KHDRBS2: variants seen among roughly 807,000 people sequenced by gnomAD.
KHDRBS2 encodes the protein KH RNA binding domain containing, signal transduction associated 2, also known as KH domain-containing, RNA-binding, signal transduction-associated protein 2.
Under a neutral mutation model 44.3 loss-of-function variants are expected in KHDRBS2, and 26 were observed. The ratio of observed to expected loss-of-function variants is 0.59; its 90% CI spans 0.43 to 0.81. KHDRBS2 has a LOEUF of 0.81. KHDRBS2 is among the 40% of genes least tolerant of loss of function. The probability of loss-of-function intolerance (pLI) is 0.00; values close to 1 mark genes in which losing one functional copy is unlikely to be tolerated. For synonymous variants in KHDRBS2, 194 were observed against 151.1 expected (o/e 1.28, Z -2.08); for missense variants, 476 against 433.1 (o/e 1.10, Z -0.88).
At chr6:61,602,523 A>G in the KHDRBS2 span, among the ~76,000 whole-genome samples, 19 of 152,200 alleles carry the variant, frequency 1.2e-4, 1 homozygote, top group South Asian at 3.9e-3. Flanking sequence ...ACTCTGGCCC[A>G]AGGCTCTCTG....
chr6:62,123,342 A>G (rs1053769464), intron 2 of KHDRBS2, among the ~76,000 whole-genome samples: 5 of 152,226 alleles, frequency 3.3e-5, no homozygotes, highest in African/African-American at 9.6e-5. Flanking sequence ...TATTGTGAAT[A>G]GTGCCGTAAT....
At chr6:62,188,190 G>A (rs1823838741) in intron 1 of KHDRBS2, among the ~76,000 whole-genome samples, 1 of 151,854 alleles carries the variant, frequency 6.6e-6, no homozygotes, top group Admixed American at 6.6e-5. Context: ...TTCAACACTG[G>A]GGATTCTATT....
intron 2 of KHDRBS2, among the ~76,000 whole-genome samples, chr6:62,066,775 C>T (rs1451957726): frequency 6.6e-6 from 1 of 151,556 alleles, no homozygotes; most frequent in African/African-American, 2.4e-5. Flanking sequence ...ATGTAATTTA[C>T]ATTCTAAATA....
At chr6:61,985,879 A>G (rs1189041421) in intron 3 of KHDRBS2, among the ~76,000 whole-genome samples, 1 of 152,186 alleles carries the variant, frequency 6.6e-6, no homozygotes, top group Admixed American at 6.5e-5. Context: ...CAAAATTAAA[A>G]ATAAATGACC....
chr6:61,738,753 T>A (rs1305184508), intron 6 of KHDRBS2, among the ~76,000 whole-genome samples: 2 of 151,984 alleles, frequency 1.3e-5, no homozygotes, highest in Admixed American at 6.6e-5. Context: ...ATATTCCTAC[T>A]AATTTCTCAA....
chr6:61,854,147 G>A lies in KHDRBS2; in HGVS notation c.810+40488C>T, dbSNP rs199705351. ...AGAATTCTGAAAATTTTGAAAAATC[G>A]TGTAGAATTCAAGTCCTGGAATTTT... On this transcript the variant is annotated intron_variant, in intron 6 of 8. Transcript: ENST00000281156. Among the ~76,000 whole-genome samples, 43 of 151,930 alleles carry A rather than the reference G, an allele frequency of 2.8e-4. 1 individual carries two copies. In the East Asian group the frequency reaches 7.6e-3, roughly 27 times the overall value.
chr6:62,102,193 AGT>A, intron 2 of KHDRBS2, among the ~76,000 whole-genome samples: 1 of 152,200 alleles, frequency 6.6e-6, no homozygotes, highest in Non-Finnish European at 1.5e-5. Context: ...ATAAACCCAA[AGT>A]TTTTAAATAT....
intron 3 of KHDRBS2, among the ~76,000 whole-genome samples, chr6:61,982,612 A>G (rs1774080414): frequency 6.6e-6 from 1 of 151,238 alleles, no homozygotes; most frequent in Non-Finnish European, 1.5e-5. Context: ...TGGAGCTTCC[A>G]GTGAGCCGAG....
chr6:61,833,336 C>T (rs1792134342), intron 6 of KHDRBS2, among the ~76,000 whole-genome samples: 1 of 152,182 alleles, frequency 6.6e-6, no homozygotes, highest in African/African-American at 2.4e-5. Flanking sequence ...CTTTTCAAAG[C>T]TCTTGCTGTT....
intron 1 of KHDRBS2, among the ~76,000 whole-genome samples, chr6:62,186,094 C>T (rs1017952644): frequency 1.3e-5 from 2 of 152,006 alleles, no homozygotes; most frequent in Non-Finnish European, 2.9e-5. Context: ...GTATCTGCCA[C>T]TTGTTAACTG....
intron 6 of KHDRBS2, among the ~76,000 whole-genome samples, chr6:61,861,002 T>C (rs1180350147): frequency 1.3e-5 from 2 of 152,022 alleles, no homozygotes; most frequent in African/African-American, 4.8e-5. Flanking sequence ...ATGTTTGTTG[T>C]CTGCATGTAT....
the KHDRBS2 span, among the ~76,000 whole-genome samples, chr6:61,644,966 T>TATA: frequency 1.3e-5 from 2 of 152,080 alleles, no homozygotes; most frequent in Non-Finnish European, 2.9e-5. Flanking sequence ...CATTACTGGG[T>TATA]ATATACTCAA....
intron 6 of KHDRBS2, among the ~76,000 whole-genome samples, chr6:61,788,003 C>G (rs372804577): frequency 3.3e-4 from 50 of 151,566 alleles, no homozygotes; most frequent in African/African-American, 1.1e-3. Context: ...AATGCATTAA[C>G]TAAGTACTAT....
chr6:61,782,925 G>A (rs1176711773), intron 6 of KHDRBS2, among the ~76,000 whole-genome samples: 2 of 151,402 alleles, frequency 1.3e-5, no homozygotes, highest in African/African-American at 4.8e-5. Flanking sequence ...AAACAGAGTG[G>A]GACACAAGAA....
intron 4 of KHDRBS2, among the ~76,000 whole-genome samples, chr6:61,937,678 T>G (rs904326904): frequency 1.1e-4 from 16 of 152,052 alleles, no homozygotes; most frequent in African/African-American, 3.9e-4. Context: ...CAGGCTGAAG[T>G]TTTTCATTAG....
downstream of KHDRBS2, among the ~76,000 whole-genome samples, chr6:61,675,873 T>C (rs1765903266): frequency 6.6e-6 from 1 of 151,800 alleles, no homozygotes; most frequent in Non-Finnish European, 1.5e-5. Context: ...GTTAGAGCAT[T>C]ATCTGAAAAT....
chr6:62,229,998 G>C (rs556499272), intron 1 of KHDRBS2, among the ~76,000 whole-genome samples: 3 of 152,124 alleles, frequency 2.0e-5, no homozygotes, highest in Admixed American at 1.3e-4. Flanking sequence ...GAAACATAAT[G>C]GTCCTTCTGA....
At chr6:61,543,910 C>A in the KHDRBS2 span, among the ~76,000 whole-genome samples, 1 of 151,900 alleles carries the variant, frequency 6.6e-6, no homozygotes, top group Non-Finnish European at 1.5e-5. Flanking sequence ...AACAATTGAA[C>A]TCATGGAGAC....
At chr6:61,671,952 C>G in the KHDRBS2 span, among the ~76,000 whole-genome samples, 2 of 151,920 alleles carry the variant, frequency 1.3e-5, no homozygotes, top group South Asian at 2.1e-4. Context: ...CCCACTAACT[C>G]GTCATCTAGC....
Sources: gnomAD v4.1 joint callset for allele counts (sites outside exome capture counted in the v4.1 genomes callset) on GRCh38, gnomAD v4.1.1 for gene constraint, MANE v1.5 for transcripts, NCBI Gene and HGNC (gene_info 2026-07-23, HGNC 2026-07-21) for gene names.